SYT1: variants seen among roughly 807,000 people sequenced by gnomAD.
SYT1 encodes the protein synaptotagmin-1.
SYT1 carries 8 observed loss-of-function variants against 44.8 expected under a neutral mutation model. The ratio of observed to expected loss-of-function variants is 0.18; its 90% CI spans 0.10 to 0.32. The LOEUF is 0.32. Ranked by LOEUF, SYT1 falls within the 10% of genes least tolerant of loss-of-function variation. The pLI, the probability that SYT1 is intolerant of heterozygous loss-of-function variation, is 1.00. For missense variants in SYT1, 286 were observed against 509.3 expected, an observed-to-expected ratio of 0.56 and a Z score of 4.22; for synonymous variants, 154 against 188.8, an observed-to-expected ratio of 0.82 and a Z score of 1.51.
intron 9 of SYT1, among the ~76,000 whole-genome samples, chr12:79,390,463 A>G (rs1362240142): frequency 6.6e-6 from 1 of 152,094 alleles, no homozygotes; most frequent in Non-Finnish European, 1.5e-5. Context: ...CAATTTTTTT[A>G]AAAGGATAAG....
chr12:79,201,343 A>C (rs1202497853), intron 3 of SYT1, among the ~76,000 whole-genome samples: 2 of 152,194 alleles, frequency 1.3e-5, no homozygotes, highest in Non-Finnish European at 2.9e-5. Flanking sequence ...TAAATCTGAA[A>C]ATATCTTTAG....
At chr12:79,034,994 A>G (rs1873038777) in intron 2 of SYT1, among the ~76,000 whole-genome samples, 1 of 151,510 alleles carries the variant, frequency 6.6e-6, no homozygotes, top group Non-Finnish European at 1.5e-5. Context: ...ACCAAAGACC[A>G]CTTCCTCTAG....
chr12:79,309,036 G>A (rs781566479), intron 8 of SYT1, among the ~76,000 whole-genome samples: 4 of 152,300 alleles, frequency 2.6e-5, no homozygotes, highest in Middle Eastern at 3.4e-3. Flanking sequence ...GAAAAAGGCC[G>A]GTGAAACAAG....
chr12:79,021,404 GCCTCACC>G (rs1214475257), intron 2 of SYT1, among the ~76,000 whole-genome samples: 2 of 151,844 alleles, frequency 1.3e-5, no homozygotes, highest in East Asian at 3.9e-4. Flanking sequence ...TTATCAAGCT[GCCTCACC>G]CTGTTTCTCC....
chr12:78,885,266 G>A (rs922608474), intron 1 of SYT1, among the ~76,000 whole-genome samples: 3 of 145,818 alleles, frequency 2.1e-5, no homozygotes, highest in Admixed American at 1.4e-4. Context: ...GGGGGAAGGA[G>A]GGAAGGGAAG....
chr12:79,169,775 G>T (rs1470686044), intron 3 of SYT1, among the ~76,000 whole-genome samples: 1 of 151,876 alleles, frequency 6.6e-6, no homozygotes, highest in Non-Finnish European at 1.5e-5. Flanking sequence ...TGGGTTTGTT[G>T]TACAGATTAT....
At chr12:79,073,249 A>G (rs963274204) in intron 3 of SYT1, among the ~76,000 whole-genome samples, 1 of 152,104 alleles carries the variant, frequency 6.6e-6, no homozygotes, top group African/African-American at 2.4e-5. Flanking sequence ...CTATGGGTGC[A>G]TGCCACCATG....
At chr12:79,243,876 G>A (rs181518222) in intron 4 of SYT1, among the ~76,000 whole-genome samples, 71 of 151,348 alleles carry the variant, frequency 4.7e-4, no homozygotes, top group Non-Finnish European at 7.8e-4. Context: ...AAGGAAGGAG[G>A]GAAGGAAGGA....
rs1443701468 is a variant in SYT1 at position 79,153,704 on chromosome 12, C to T, written c.-17-63799C>T. Among the ~76,000 whole-genome samples, 6 of 152,176 alleles carry T rather than the reference C, an allele frequency of 3.9e-5. No homozygotes were observed. The East Asian group carries it at 1.2e-3, about 29-fold the overall frequency. ...AGATGATAATCTCTGACATAAAAATCATTCAATTGTCATCACTATTTCTTC... is the reference window on the plus strand; with the variant it reads ...AGATGATAATCTCTGACATAAAAATTATTCAATTGTCATCACTATTTCTTC... On this transcript the variant is annotated intron_variant, in intron 3 of 10. Coordinates refer to ENST00000261205, the MANE Select transcript of SYT1 (RefSeq NM_005639.3).
rs1441130866 is a variant in SYT1 at position 79,128,700 on chromosome 12, C to T, written c.-18+81338C>T. ...CCCATTACTGAGTTGATGGGTGCAA[C>T]AAACCACCATGGCACGTGTATACCT... On this transcript the variant is annotated intron_variant, in intron 3 of 10. Coordinates refer to ENST00000261205, the MANE Select transcript of SYT1 (RefSeq NM_005639.3). 3.3e-5 allele frequency among the ~76,000 whole-genome samples: 5 copies of T among 152,212 alleles called. No homozygotes were observed. The East Asian group carries it at 9.6e-4, about 29-fold the overall frequency.
chr12:79,355,965 A>C (rs1357904289), intron 9 of SYT1, among the ~76,000 whole-genome samples: 2 of 152,072 alleles, frequency 1.3e-5, no homozygotes. Context: ...TGAGTCTACC[A>C]AGAGATAACA....
chr12:79,320,601 T>TATCA (rs995681628), intron 8 of SYT1, among the ~76,000 whole-genome samples: 12 of 151,946 alleles, frequency 7.9e-5, no homozygotes, highest in African/African-American at 2.9e-4. Context: ...TGATTTCCTC[T>TATCA]ATCAGCAGCA....
At position 78,864,858 on chromosome 12, in the gene SYT1, C is replaced by T. The variant is rs932658084; in HGVS notation, c.-468C>T. ...CTTGAGGCTGCACCCCGGGCAAGTC[C>T]CCAGGGTGGTGCTCAGCCGAGAGGG... On this transcript the variant is annotated 5_prime_UTR_variant, in exon 1 of 11. Transcript: ENST00000261205. 4.5e-5 allele frequency: 7 copies of T among 154,950 alleles called. No homozygotes were observed. The highest frequency in any genetic ancestry group is 1.7e-4 in the African/African-American group (7 of 41,490). The allele number at this position is 154,950 out of a possible 1,614,324, so 9.6% of individuals were successfully genotyped here.
At chr12:79,448,885 G>A (rs768423498) in intron 10 of SYT1, 33 bp from the exon 11 acceptor site, 1 of 1,605,706 alleles carries the variant, frequency 6.2e-7, no homozygotes, top group African/African-American at 1.3e-5. Flanking sequence ...TCTAGAGCTA[G>A]ATGATTCATA....
At chr12:79,176,628 T>C (rs991131487) in intron 3 of SYT1, among the ~76,000 whole-genome samples, 20 of 152,046 alleles carry the variant, frequency 1.3e-4, no homozygotes. Flanking sequence ...GAGTTCTATA[T>C]TTTTTTAACT....
chr12:79,419,380 TTCATCAG>T, intron 9 of SYT1: 1 of 452,016 alleles, frequency 2.2e-6, no homozygotes, highest in Non-Finnish European at 4.7e-6. Context: ...TCTCCATGAA[TTCATCAG>T]TCATAGTGGT....
chr12:78,914,928 T>C (rs910977671), intron 1 of SYT1, among the ~76,000 whole-genome samples: 6 of 151,988 alleles, frequency 3.9e-5, no homozygotes, highest in African/African-American at 9.7e-5. Context: ...TCATACAGAA[T>C]GTTTGGGGAT....
At chr12:79,308,525 G>GAAGAAAGA in intron 8 of SYT1, among the ~76,000 whole-genome samples, 1 of 114,940 alleles carries the variant, frequency 8.7e-6, no homozygotes. Flanking sequence ...AAGAAAGAAA[G>GAAGAAAGA]AAGAAATAAA....
intron 8 of SYT1, among the ~76,000 whole-genome samples, chr12:79,326,777 G>C (rs1051679106): frequency 6.6e-6 from 1 of 152,080 alleles, no homozygotes; most frequent in African/African-American, 2.4e-5. Context: ...GACTTCTTCA[G>C]ATTCCCCACC....
Sources: allele counts gnomAD v4.1 joint callset (sites outside exome capture counted in the v4.1 genomes callset), GRCh38; gene constraint gnomAD v4.1.1; transcripts MANE v1.5; gene names NCBI Gene and HGNC (gene_info 2026-07-23, HGNC 2026-07-21).